Variants in CPLX4 observed in about 807,000 individuals in gnomAD.
CPLX4 encodes the protein complexin-4.
Under a neutral mutation model 16.1 loss-of-function variants are expected in CPLX4, and 17 were observed. The observed-to-expected ratio is 1.06, with a 90% CI of 0.72 to 1.59. The LOEUF (loss-of-function observed/expected upper bound fraction) is 1.59. CPLX4 is among the 40% of genes most tolerant of loss of function. The pLI is 0.00. For synonymous variants in CPLX4, 55 were observed against 57.8 expected, an observed-to-expected ratio of 0.95 and a Z score of 0.22; for missense variants, 193 against 192.9, an observed-to-expected ratio of 1.00 and a Z score of 0.00.
rs2070613662 is a variant in CPLX4, at chr18:59,311,022, G to T, written c.255+1663C>A. 1.3e-5 allele frequency among the ~76,000 whole-genome samples: 2 copies of T among 150,154 alleles called. 1 individual carries two copies. Among genetic ancestry groups the T allele is most frequent in the Admixed American group, 1.3e-4 (2 of 15,096 alleles). ...TTCTGCTTCATCCCAACAAGTTGAT[G>T]ATGCTTTAATCAGATGGCCCAAGAG... On this transcript the variant is annotated intron_variant, in intron 2 of 2. Transcript: ENST00000299721.
intron 2 of CPLX4, among the ~76,000 whole-genome samples, chr18:59,301,288 C>T (rs1199032486): frequency 3.9e-5 from 6 of 152,232 alleles, no homozygotes; most frequent in African/African-American, 1.2e-4. Flanking sequence ...CTCTTCACCC[C>T]GTGTGAAAGA....
At chr18:59,312,877 T>C in intron 1 of CPLX4, 105 bp from the exon 2 acceptor site, 1 of 597,756 alleles carries the variant, frequency 1.7e-6, no homozygotes, top group Non-Finnish European at 2.9e-6. Context: ...GAGATGCCAC[T>C]GCTGGCAGAC....
At chr18:59,303,626 C>T (rs1269534276) in intron 2 of CPLX4, among the ~76,000 whole-genome samples, 1 of 152,164 alleles carries the variant, frequency 6.6e-6, no homozygotes, top group Non-Finnish European at 1.5e-5. Flanking sequence ...TGGAAAGTCA[C>T]TTTCCCTCTC....
In CPLX4 at chr18:59,296,269, G is replaced by A. The variant is rs577952138; in HGVS notation, c.*429C>T. 2.9e-5 allele frequency: 6 copies of A among 204,230 alleles called. No homozygotes were observed. The highest frequency in any genetic ancestry group is 1.2e-4 in the Admixed American group (2 of 16,818). 12.7% of individuals were successfully genotyped at this position (204,230 alleles called of 1,614,324 possible). On this transcript the variant is annotated 3_prime_UTR_variant, in exon 3 of 3. Transcript: ENST00000299721. ...AGACTCAGCTCCCTGTGGGAAACCC[G>A]GCTCCCAGTAGACACCTTGACTCTC...
chr18:59,305,940 C>A (rs948293670), intron 2 of CPLX4, among the ~76,000 whole-genome samples: 2 of 152,148 alleles, frequency 1.3e-5, no homozygotes, highest in African/African-American at 2.4e-5. Flanking sequence ...GTGATGTCTG[C>A]AAGCTGAGGA....
At chr18:59,312,580 AT>A (rs2070625111) in intron 2 of CPLX4, 104 bp downstream of exon 2, 1 of 274,568 alleles carries the variant, frequency 3.6e-6, no homozygotes. Context: ...TTGAATATAT[AT>A]ATATATATTC....
At chr18:59,313,928 T>C (rs150482733) in intron 1 of CPLX4, among the ~76,000 whole-genome samples, 1 of 152,252 alleles carries the variant, frequency 6.6e-6, no homozygotes, top group African/African-American at 2.4e-5. Context: ...TAAAGCATTA[T>C]CTGCTTAAAA....
chr18:59,295,567 C>CAAAAAAAAA lies in CPLX4; in HGVS notation c.*1122_*1130dup, dbSNP rs5825327. The CAAAAAAAAA allele has an allele frequency of 7.1e-6, 1 of 140,380 alleles. No homozygotes were observed. 8.7% of individuals were successfully genotyped at this position (140,380 alleles called of 1,614,324 possible). ...TTATTCACTGTATGAACAGAGTCAC[C>CAAAAAAAAA]AAAAAAAAAAAAAAAAATCAGTATT... On this transcript the variant is annotated 3_prime_UTR_variant, in exon 3 of 3. Coordinates refer to ENST00000299721, the MANE Select transcript of CPLX4 (RefSeq NM_181654.4).
chr18:59,311,865 C>T (rs1032032267), intron 2 of CPLX4, among the ~76,000 whole-genome samples: 12 of 152,172 alleles, frequency 7.9e-5, no homozygotes, highest in African/African-American at 2.9e-4. Context: ...ACGACTCACT[C>T]GACCACAGCC....
chr18:59,318,568 C>A lies in CPLX4; in HGVS notation c.-106G>T. 2 of 1,459,960 alleles carry A rather than the reference C, an allele frequency of 1.4e-6. No homozygotes were observed. Among genetic ancestry groups the A allele is most frequent in the South Asian group, 1.5e-5 (1 of 68,228 alleles). 90.4% of individuals were successfully genotyped at this position (1,459,960 alleles called of 1,614,324 possible). A position where few individuals can be genotyped will look rare whatever the true frequency, so the allele number is the denominator to read the frequency against. On this transcript the variant is annotated 5_prime_UTR_variant, in exon 1 of 3. The change abolishes an upstream ATG in the 5' untranslated region. Transcript: ENST00000299721. ...CCAAATATTCTCAATGACAGCAATA[C>A]ATTTAAGAGCAAAGGACTTTGCACA...
chr18:59,308,039 A>G (rs1475992824), intron 2 of CPLX4, among the ~76,000 whole-genome samples: 1 of 151,774 alleles, frequency 6.6e-6, no homozygotes, highest in Non-Finnish European at 1.5e-5. Flanking sequence ...CGGCCTCTCA[A>G]TGTGCTGGGA....
rs767236960 is a variant in CPLX4, at chr18:59,296,649, T to C, written c.*49A>G. On this transcript the variant is annotated 3_prime_UTR_variant, in exon 3 of 3. Coordinates refer to ENST00000299721, the MANE Select transcript of CPLX4 (RefSeq NM_181654.4). ...CTGCTTGAAACGTCCCACAAGAGAG[T>C]GGTCTTTTCCAAGGATGGCTGGTTC... is the stretch of plus-strand genomic sequence containing the variant. 1.3e-6 allele frequency: 2 copies of C among 1,597,988 alleles called. No individual in the cohort carries two copies. Among genetic ancestry groups the C allele is most frequent in the African/African-American group, 2.7e-5 (2 of 74,210 alleles).
intron 2 of CPLX4, 48 bp from the exon 3 acceptor site, chr18:59,296,973 C>T (rs1161199611): frequency 1.9e-6 from 3 of 1,567,582 alleles, no homozygotes; most frequent in African/African-American, 1.4e-5. Context: ...AAACTACTAA[C>T]TCACTAACTA....
chr18:59,305,619 G>A (rs1217644191), intron 2 of CPLX4, among the ~76,000 whole-genome samples: 1 of 152,178 alleles, frequency 6.6e-6, no homozygotes, highest in Non-Finnish European at 1.5e-5. Context: ...CCTATAGGAG[G>A]AGCAGGTTTA....
intron 1 of CPLX4, among the ~76,000 whole-genome samples, chr18:59,317,760 C>A (rs1354653364): frequency 6.6e-6 from 1 of 151,050 alleles, no homozygotes; most frequent in Non-Finnish European, 1.5e-5. Flanking sequence ...GTCCACAAAT[C>A]CATTCATAGT....
chr18:59,318,415 T>C lies in CPLX4; in HGVS notation c.48A>G (p.Leu16=), dbSNP rs2070665552. The C allele has an allele frequency of 6.2e-7, 1 of 1,613,618 alleles. No homozygotes were observed. Among genetic ancestry groups the C allele is most frequent in the African/African-American group, 1.3e-5 (1 of 74,880 alleles). The part of the protein sequence containing the change: ...KSMISNQVKN[L]GFGGGSEENK... ...TTTCTTCAGACCCACCACCAAATCC[T>C]AAATTCTTTACCTGGTTACTTATCA... The change falls in exon 1 of 3, where the codon TTA becomes TTG. Residue 16 remains leucine, a synonymous_variant. Transcript: ENST00000299721.
At chr18:59,304,772 AT>A (rs1220205757) in intron 2 of CPLX4, among the ~76,000 whole-genome samples, 1 of 152,106 alleles carries the variant, frequency 6.6e-6, no homozygotes, top group Non-Finnish European at 1.5e-5. Context: ...GGGTTTCACC[AT>A]GTTGGCCAGG....
rs528886751 is a variant in CPLX4, at chr18:59,305,024, G to A, written c.255+7661C>T. Among the ~76,000 whole-genome samples the A allele has an allele frequency of 1.4e-4, 21 of 147,554 alleles. No homozygotes were observed. The South Asian group carries it at 1.8e-3, about 13-fold the overall frequency. ...CACTGAGCACAGAGATTTAAAAGTCGGTCCCTTTTTAAAAGGAGCACACAG... is the reference window on the plus strand; with the variant it reads ...CACTGAGCACAGAGATTTAAAAGTCAGTCCCTTTTTAAAAGGAGCACACAG... On this transcript the variant is annotated intron_variant, in intron 2 of 2. Transcript: ENST00000299721.
chr18:59,316,570 T>C (rs2070652799), intron 1 of CPLX4, among the ~76,000 whole-genome samples: 1 of 152,176 alleles, frequency 6.6e-6, no homozygotes, highest in Non-Finnish European at 1.5e-5. Flanking sequence ...CTCTTTATCA[T>C]AGGGAAGCCA....
Sources: allele counts gnomAD v4.1 joint callset (sites outside exome capture counted in the v4.1 genomes callset), GRCh38; gene constraint gnomAD v4.1.1; transcripts MANE v1.5; gene names NCBI Gene and HGNC (gene_info 2026-07-23, HGNC 2026-07-21).